Variants in SLC28A1 observed in about 807,000 individuals in gnomAD.
SLC28A1 encodes solute carrier family 28 member 1.
A neutral mutation model predicts 74.8 loss-of-function variants in SLC28A1; 64 were observed. That is an observed-to-expected ratio of 0.86 (90% CI 0.70 to 1.05). SLC28A1 has a LOEUF of 1.05. Ranked by LOEUF, SLC28A1 falls within the 50% of genes least tolerant of loss-of-function variation. SLC28A1 has a pLI of 0.00. For missense variants in SLC28A1, 828 were observed against 822.8 expected (o/e 1.01, Z -0.08); for synonymous variants, 359 against 335.0 (o/e 1.07, Z -0.78).
At chr15:84,973,135 C>A in the SLC28A1 span, among the ~76,000 whole-genome samples, 5 of 152,240 alleles carry the variant, frequency 3.3e-5, no homozygotes, top group Admixed American at 3.3e-4. Context: ...CTGTTCTTAG[C>A]TATCCTGGCC....
the SLC28A1 span, among the ~76,000 whole-genome samples, chr15:84,973,889 C>T: frequency 6.6e-6 from 1 of 152,186 alleles, no homozygotes; most frequent in African/African-American, 2.4e-5. Flanking sequence ...ACTTTTCCAG[C>T]CGCACCACCA....
chr15:84,886,448 G>C, intron 1 of SLC28A1: 5 of 985,462 alleles, frequency 5.1e-6, no homozygotes, highest in Non-Finnish European at 4.8e-6. Context: ...GCCTGGAAGA[G>C]GTCAGTTTGG....
rs1567172693 is a variant in SLC28A1 at position 84,928,602 on chromosome 15, CTTTTCTTTCTTTCT to C, written c.1083+4496_1083+4509del. Among the ~76,000 whole-genome samples the C allele has an allele frequency of 4.8e-4, 4 of 8,326 alleles. 1 individual carries two copies. Among genetic ancestry groups the C allele is most frequent in the Admixed American group, 1.1e-3 (1 of 922 alleles). 5.5% of individuals were successfully genotyped at this position (8,326 alleles called of 152,430 possible). On this transcript the variant is annotated intron_variant, in intron 12 of 18. Coordinates refer to ENST00000394573, the MANE Select transcript of SLC28A1 (RefSeq NM_004213.5). The stretch of plus-strand genomic sequence containing the variant: ...TCTTTCTTTCTTTCTTTCTTTCTTT[CTTTTCTTTCTTTCT>C]TTTCTTTCTTTCTTTCTTTTTTTTT...
intron 1 of SLC28A1, among the ~76,000 whole-genome samples, chr15:84,885,746 AAAG>A (rs1266762919): frequency 2.0e-5 from 3 of 151,710 alleles, no homozygotes; most frequent in Non-Finnish European, 4.4e-5. Context: ...AAAAAAAAAA[AAAG>A]GAGGAAAATG....
At chr15:84,936,129 G>A (rs571188099) in intron 15 of SLC28A1, among the ~76,000 whole-genome samples, 3 of 151,058 alleles carry the variant, frequency 2.0e-5, no homozygotes, top group Non-Finnish European at 4.4e-5. Flanking sequence ...CTAATTTTTT[G>A]TATTTTTAGT....
chr15:84,926,839 C>A (rs1042482234), intron 12 of SLC28A1, among the ~76,000 whole-genome samples: 1 of 151,210 alleles, frequency 6.6e-6, no homozygotes, highest in Non-Finnish European at 1.5e-5. Flanking sequence ...CAGAAAATGA[C>A]CTACATTGTC....
At position 84,912,755 on chromosome 15, in the gene SLC28A1, A is replaced by G. The variant is rs1207776132; in HGVS notation, c.795+3960A>G. Among the ~76,000 whole-genome samples, 4 of 151,380 alleles carry G rather than the reference A, an allele frequency of 2.6e-5. No individual in the cohort carries two copies. The East Asian group carries it at 5.9e-4, about 22-fold the overall frequency. ...TCTCCTGAGAGTTTCGGGATGTCTGATATAGACTCTGCAGTCCCCAGTGGT... is the reference window on the plus strand; with the variant it reads ...TCTCCTGAGAGTTTCGGGATGTCTGGTATAGACTCTGCAGTCCCCAGTGGT... On this transcript the variant is annotated intron_variant, in intron 9 of 18. Coordinates refer to ENST00000394573, the MANE Select transcript of SLC28A1 (RefSeq NM_004213.5).
chr15:84,962,061 AAATTTTTT>A, the SLC28A1 span, among the ~76,000 whole-genome samples: 1 of 151,968 alleles, frequency 6.6e-6, no homozygotes, highest in Non-Finnish European at 1.5e-5. Context: ...ATCTTGACCT[AAATTTTTT>A]TTTAAATTTC....
the SLC28A1 span, among the ~76,000 whole-genome samples, chr15:84,964,104 G>T: frequency 6.6e-6 from 1 of 152,156 alleles, no homozygotes; most frequent in Admixed American, 6.5e-5. Flanking sequence ...TGATTCTCCT[G>T]TCTTGGCCCC....
rs1555441077 is a variant in SLC28A1, at chr15:84,889,764, C to CCTTT, written c.186-678_186-675dup. On this transcript the variant is annotated intron_variant, in intron 4 of 18. Transcript: ENST00000394573. The stretch of plus-strand genomic sequence containing the variant: ...TCCTTCCTTCCTTCCTTCCTTCCTT[C>CCTTT]CTTTTCTTTCTCTCTTCCTTCCTTC... 7.9e-3 allele frequency among the ~76,000 whole-genome samples: 392 copies of CCTTT among 49,340 alleles called. 21 individuals carry two copies. Among genetic ancestry groups the CCTTT allele is most frequent in the African/African-American group, 0.021 (318 of 15,306 alleles). The allele number at this position is 49,340 out of a possible 152,430, so 32.4% of individuals were successfully genotyped here.
rs117890334 is a variant in SLC28A1 at position 84,917,680 on chromosome 15, G to C, written c.796-844G>C. 5.8e-4 allele frequency among the ~76,000 whole-genome samples: 88 copies of C among 152,182 alleles called. No individual in the cohort carries two copies. In the East Asian group the frequency reaches 0.015, roughly 27 times the overall value. Reference sequence around the variant, plus strand: ...ATATCTTGGAAATCAGTCCACAGCTGCCCATAGAGAGCTTCTGCATTCTTG... The same window carrying C: ...ATATCTTGGAAATCAGTCCACAGCTCCCCATAGAGAGCTTCTGCATTCTTG... On this transcript the variant is annotated intron_variant, in intron 9 of 18. Transcript: ENST00000394573.
chr15:84,905,767 G>C, intron 8 of SLC28A1, 115 bp downstream of exon 8: 1 of 827,692 alleles, frequency 1.2e-6, no homozygotes. Flanking sequence ...TTGGGACCTG[G>C]AGGGTGGGGT....
At chr15:84,961,258 G>A in the SLC28A1 span, among the ~76,000 whole-genome samples, 1 of 152,020 alleles carries the variant, frequency 6.6e-6, no homozygotes. Context: ...TTTCAGCCTG[G>A]ATTTCAGGAT....
chr15:84,955,219 A>C, the SLC28A1 span, among the ~76,000 whole-genome samples: 1 of 152,186 alleles, frequency 6.6e-6, no homozygotes, highest in Non-Finnish European at 1.5e-5. Context: ...GGCCTCAGAC[A>C]TCATGGAACT....
rs1237073838 is a variant in SLC28A1 at position 84,918,660 on chromosome 15, T to C, written c.876+56T>C. 4 of 1,344,752 alleles carry C rather than the reference T, an allele frequency of 3.0e-6. No individual in the cohort carries two copies. The East Asian group carries it at 6.9e-5, about 23-fold the overall frequency. 83.3% of individuals were successfully genotyped at this position (1,344,752 alleles called of 1,614,324 possible). The stretch of plus-strand genomic sequence containing the variant: ...TCCCAGAGTCACCAGCTCACAGGGT[T>C]CACACTGTCCCAGAATGCCTTGCTC... On this transcript the variant is annotated intron_variant, in intron 10 of 18. Transcript: ENST00000394573.
In SLC28A1 at chr15:84,945,659, G is replaced by A. The variant is rs1435085240; in HGVS notation, c.*459G>A. Reference sequence around the variant, plus strand: ...TGTCACCTCTTTCTCTGCTTTCAGAGAAACCCTTCCCGCCTTTCCTCAGAG... The same window carrying A: ...TGTCACCTCTTTCTCTGCTTTCAGAAAAACCCTTCCCGCCTTTCCTCAGAG... On this transcript the variant is annotated 3_prime_UTR_variant, in exon 19 of 19. Transcript: ENST00000394573. The A allele has an allele frequency of 1.2e-5, 3 of 249,262 alleles. No individual in the cohort carries two copies. The highest frequency in any genetic ancestry group is 2.4e-5 in the Non-Finnish European group (3 of 126,730). 15.4% of individuals were successfully genotyped at this position (249,262 alleles called of 1,614,324 possible).
intron 5 of SLC28A1, 84 bp from the exon 6 acceptor site, chr15:84,894,856 T>C: frequency 1.5e-6 from 2 of 1,331,242 alleles, no homozygotes; most frequent in East Asian, 2.3e-5. Context: ...CTGGGTGGAG[T>C]AAGGTGGAGT....
chr15:84,894,278 A>G (rs1277743569), intron 5 of SLC28A1, among the ~76,000 whole-genome samples: 1 of 151,918 alleles, frequency 6.6e-6, no homozygotes, highest in Non-Finnish European at 1.5e-5. Flanking sequence ...AGGCTGAGGC[A>G]GAAGGGTTGC....
chr15:84,959,425 C>A, the SLC28A1 span, among the ~76,000 whole-genome samples: 1 of 151,920 alleles, frequency 6.6e-6, no homozygotes, highest in Non-Finnish European at 1.5e-5. Flanking sequence ...TATATCCTTT[C>A]TTTGTTAATT....
Sources: gnomAD v4.1 joint callset for allele counts (sites outside exome capture counted in the v4.1 genomes callset) on GRCh38, gnomAD v4.1.1 for gene constraint, MANE v1.5 for transcripts, NCBI Gene and HGNC (gene_info 2026-07-23, HGNC 2026-07-21) for gene names.